Variants in IGFLR1 observed in about 807,000 individuals in gnomAD.
IGFLR1 encodes IGF-like family receptor 1.
In IGFLR1, 17 loss-of-function variants were observed where a neutral mutation model predicts 23.4. The ratio of observed to expected loss-of-function variants is 0.73; its 90% CI spans 0.50 to 1.09. The LOEUF (loss-of-function observed/expected upper bound fraction) is 1.09. IGFLR1 is among the 50% of genes least tolerant of loss of function. IGFLR1 has a pLI of 0.00. For missense variants in IGFLR1, 556 were observed against 459.2 expected (o/e 1.21, Z -1.93); for synonymous variants, 265 against 210.7 (o/e 1.26, Z -2.23).
chr19:35,739,322 C>T lies in IGFLR1; in HGVS notation c.1026G>A (p.Arg342=). Residue 342 remains arginine (R), a synonymous_variant, in exon 5 of 5, where the codon CGG becomes CGA. Coordinates refer to ENST00000246532, the MANE Select transcript of IGFLR1 (RefSeq NM_024660.4). ...LAQLGRADAL[R]VLSKLGSSGV... ...CAGATGAGCCAAGCTTGGACAGCACCCGCAATGCATCTGCCCGCCCTAGCT... is the reference window on the plus strand; with the variant it reads ...CAGATGAGCCAAGCTTGGACAGCACTCGCAATGCATCTGCCCGCCCTAGCT... 1 of 1,607,834 alleles carries T rather than the reference C, an allele frequency of 6.2e-7. No individual in the cohort carries two copies. The highest frequency in any genetic ancestry group is 8.5e-7 in the Non-Finnish European group (1 of 1,176,692).
At position 35,740,451 on chromosome 19, in the gene IGFLR1, G is replaced by T; in HGVS notation, c.271C>A (p.Pro91Thr). 1.9e-6 allele frequency: 3 copies of T among 1,612,656 alleles called. No individual in the cohort carries two copies. The highest frequency in any genetic ancestry group is 8.5e-7 in the Non-Finnish European group (1 of 1,179,730). ...GGGGTCACGGCTCCGCCGCCGCAGGGGCTACATAGCTCCGCGCCGTCGGGG... is the reference window on the plus strand; with the variant it reads ...GGGGTCACGGCTCCGCCGCCGCAGGTGCTACATAGCTCCGCGCCGTCGGGG... ...CNPDGAELCS[P>T]CGGGAVTPTP... Residue 91 changes from proline (P) to threonine (T), a missense_variant, in exon 3 of 5, where the codon CCC becomes ACC. Pro to Thr is a conservative substitution (Grantham distance 38, BLOSUM62 -1). Coordinates refer to ENST00000246532, the MANE Select transcript of IGFLR1 (RefSeq NM_024660.4).
chr19:35,741,657 CAAAAA>C (rs35356311), intron 1 of IGFLR1: 5,287 of 85,886 alleles, frequency 0.062, 127 homozygotes, highest in East Asian at 0.23. Flanking sequence ...CCCATCTTTA[CAAAAA>C]AAAAAAAAAA....
chr19:35,738,870 A>G lies in IGFLR1; in HGVS notation c.*410T>C. 4 of 469,132 alleles carry G rather than the reference A, an allele frequency of 8.5e-6. No homozygotes were observed. Among genetic ancestry groups the G allele is most frequent in the Non-Finnish European group, 1.1e-5 (3 of 263,972 alleles). 29.1% of individuals were successfully genotyped at this position (469,132 alleles called of 1,614,324 possible). ...AACCCCCCCACAATAAAGTCTGTCAATGTTTGGAGAGGTGGTCTTCCCATT... is the reference window on the plus strand; with the variant it reads ...AACCCCCCCACAATAAAGTCTGTCAGTGTTTGGAGAGGTGGTCTTCCCATT... On this transcript the variant is annotated 3_prime_UTR_variant, in exon 5 of 5. Coordinates refer to ENST00000246532, the MANE Select transcript of IGFLR1 (RefSeq NM_024660.4). This position sits in a 1 kb window ranked among gnomAD's most constrained non-coding sequence, Gnocchi z 8.7.
chr19:35,740,532 C>A lies in IGFLR1; in HGVS notation c.190G>T (p.Asp64Tyr). 2.5e-6 allele frequency: 4 copies of A among 1,610,952 alleles called. No homozygotes were observed. In the South Asian group the frequency reaches 4.4e-5, roughly 18 times the overall value. Residue 64 changes from aspartate to tyrosine, a missense_variant, in exon 3 of 5, where the codon GAC (aspartate) becomes TAC (tyrosine). Physicochemically the swap from Asp to Tyr is radical, Grantham distance 160 (BLOSUM62 -3). Coordinates refer to ENST00000246532, the MANE Select transcript of IGFLR1 (RefSeq NM_024660.4). The stretch of plus-strand genomic sequence containing the variant: ...GGGGGCGTTACGAAATCGCCGTGGT[C>A]ATTGAGTCCGCAGTTTTCCCGGAAC... The part of the protein sequence containing the change: ...YEFRENCGLN[D>Y]HGDFVTPPFR...
Position 35,739,844 on chromosome 19 carries a change from G to A in IGFLR1, c.587C>T (p.Pro196Leu), listed in dbSNP as rs749487106. 8 of 1,612,362 alleles carry A rather than the reference G, an allele frequency of 5.0e-6. No individual in the cohort carries two copies. The Admixed American group carries it at 1.3e-4, about 27-fold the overall frequency. The part of the protein sequence containing the change: ...HLCWPKEKAD[P>L]YPYPGLVCGV... ...GCAGACCAAGCCAGGATAGGGATAG[G>A]GGTCGGCTTTCTCCTTGGGCCAGCA... is the stretch of plus-strand genomic sequence containing the variant. Residue 196 changes from proline to leucine, a missense_variant, in exon 4 of 5, where the codon CCC becomes CTC. Physicochemically the swap from Pro to Leu is moderately conservative, Grantham distance 98 (BLOSUM62 -3). Coordinates refer to ENST00000246532, the MANE Select transcript of IGFLR1 (RefSeq NM_024660.4).
At position 35,739,184 on chromosome 19, in the gene IGFLR1, T is replaced by C. The variant is rs1970046868; in HGVS notation, c.*96A>G. 8.7e-7 allele frequency: 1 copy of C among 1,150,766 alleles called. No individual in the cohort carries two copies. The highest frequency in any genetic ancestry group is 1.2e-6 in the Non-Finnish European group (1 of 822,868). The allele number at this position is 1,150,766 out of a possible 1,614,324, so 71.3% of individuals were successfully genotyped here. A position where few individuals can be genotyped will look rare whatever the true frequency, so the allele number is the denominator to read the frequency against. Reference sequence around the variant, plus strand: ...TAGGGCGAAGAGCAGTGAGGCTATCTGTTGGGTCTTTGCCCAATTAGGATT... The same window carrying C: ...TAGGGCGAAGAGCAGTGAGGCTATCCGTTGGGTCTTTGCCCAATTAGGATT... On this transcript the variant is annotated 3_prime_UTR_variant, in exon 5 of 5. Transcript: ENST00000246532.
chr19:35,740,538 G>GTCCGCAGT lies in IGFLR1; in HGVS notation c.176_183dup (p.Leu62ThrfsTer11), dbSNP rs773484248. 6 of 1,610,222 alleles carry GTCCGCAGT rather than the reference G, an allele frequency of 3.7e-6. No individual in the cohort carries two copies. The highest frequency in any genetic ancestry group is 1.7e-4 in the Middle Eastern group (1 of 6,042). On this transcript the variant is annotated frameshift_variant, in exon 3 of 5. Transcript: ENST00000246532. LOFTEE classifies it high-confidence loss of function. ...GTTACGAAATCGCCGTGGTCATTGA[G>GTCCGCAGT]TCCGCAGTTTTCCCGGAACTCATAG...
At chr19:35,742,273 A>G (rs1253000897) in intron 1 of IGFLR1, 123 bp downstream of exon 1, 1 of 743,054 alleles carries the variant, frequency 1.3e-6, no homozygotes, top group African/African-American at 1.8e-5. Context: ...TCACCTTTGA[A>G]TCCTAATCTC....
rs1422829152 is a variant in IGFLR1 at position 35,741,183 on chromosome 19, G to C, written c.-3C>G. ...AGGAGGCATCGTCCAGGCCCCATCT[G>C]GGGGGCCGTGATAGCGGGACTTCCA... is the stretch of plus-strand genomic sequence containing the variant. On this transcript the variant is annotated 5_prime_UTR_variant, in exon 2 of 5. Coordinates refer to ENST00000246532, the MANE Select transcript of IGFLR1 (RefSeq NM_024660.4). The C allele has an allele frequency of 3.1e-6, 5 of 1,609,888 alleles. No homozygotes were observed. Among genetic ancestry groups the C allele is most frequent in the East Asian group, 2.2e-5 (1 of 44,772 alleles).
chr19:35,741,668 A>C (rs796883984), intron 1 of IGFLR1: 13 of 139,342 alleles, frequency 9.3e-5, no homozygotes, highest in Admixed American at 1.5e-4. Context: ...AAAAAAAAAA[A>C]AAAAAAAAAA....
rs919035068 is a variant in IGFLR1 at position 35,740,249 on chromosome 19, C to T, written c.342+131G>A. ...AGGCCCAACTACCTTAACCTAGGAC[C>T]TCCCGACCCCTGCAGGCCAGCCACC... is the stretch of plus-strand genomic sequence containing the variant. On this transcript the variant is annotated intron_variant, in intron 3 of 4. Coordinates refer to ENST00000246532, the MANE Select transcript of IGFLR1 (RefSeq NM_024660.4). The T allele has an allele frequency of 6.1e-6, 8 of 1,318,540 alleles. No individual in the cohort carries two copies. The African/African-American group carries it at 1.0e-4, about 17-fold the overall frequency. The allele number at this position is 1,318,540 out of a possible 1,614,324, so 81.7% of individuals were successfully genotyped here.
rs778394024 is a variant in IGFLR1, at chr19:35,739,927, G to C, written c.504C>G (p.Val168=). 6.2e-7 allele frequency: 1 copy of C among 1,614,164 alleles called. No homozygotes were observed. The highest frequency in any genetic ancestry group is 1.3e-5 in the African/African-American group (1 of 75,042). Reference sequence around the variant, plus strand: ...CTATCACCGCCAAGGTCAGGAGCAGGACCAGCACCACGAGCGGAAGGAAAT... The same window carrying C: ...CTATCACCGCCAAGGTCAGGAGCAGCACCAGCACCACGAGCGGAAGGAAAT... ...WPNFLPLVVL[V]LLLTLAVIAI... Residue 168 remains valine, a synonymous_variant, in exon 4 of 5, where the codon GTC becomes GTG. Coordinates refer to ENST00000246532, the MANE Select transcript of IGFLR1 (RefSeq NM_024660.4).
Position 35,739,244 on chromosome 19 carries a change from C to G in IGFLR1, c.*36G>C. ...GAAGTACTTCAGTGCTAATTGTATACTGGGCTTAGTAGTCAGCAAAGTTCT... is the reference window on the plus strand; with the variant it reads ...GAAGTACTTCAGTGCTAATTGTATAGTGGGCTTAGTAGTCAGCAAAGTTCT... On this transcript the variant is annotated 3_prime_UTR_variant, in exon 5 of 5. Coordinates refer to ENST00000246532, the MANE Select transcript of IGFLR1 (RefSeq NM_024660.4). The G allele has an allele frequency of 1.3e-6, 2 of 1,484,932 alleles. No individual in the cohort carries two copies. The highest frequency in any genetic ancestry group is 2.6e-5 in the South Asian group (2 of 76,032). The allele number at this position is 1,484,932 out of a possible 1,614,324, so 92.0% of individuals were successfully genotyped here. A position where few individuals can be genotyped will look rare whatever the true frequency, so the allele number is the denominator to read the frequency against.
At chr19:35,740,250 TC>T (rs1970134406) in intron 3 of IGFLR1, 129 bp downstream of exon 3, 6 of 1,323,350 alleles carry the variant, frequency 4.5e-6, no homozygotes, top group Admixed American at 2.9e-5. Context: ...ACCTAGGACC[TC>T]CCGACCCCTG....
In IGFLR1 at chr19:35,741,026, G is replaced by T. The variant is rs754957449; in HGVS notation, c.155C>A (p.Pro52Gln). Residue 52 changes from proline to glutamine, a missense_variant and splice_region_variant, in exon 2 of 5, where the codon CCG (proline) becomes CAG (glutamine). Pro to Gln is a moderately conservative substitution (Grantham distance 76). Coordinates refer to ENST00000246532, the MANE Select transcript of IGFLR1 (RefSeq NM_024660.4). ...AAGGCTCGGTCTCGGATTCTCACCC[G>T]GGCAGGGGGGCGGCCCGAAGCGTTG... is the stretch of plus-strand genomic sequence containing the variant. ...CLQRFGPPPC[P>Q]DYEFRENCGL... 2 of 1,611,064 alleles carry T rather than the reference G, an allele frequency of 1.2e-6. No homozygotes were observed. The highest frequency in any genetic ancestry group is 2.7e-5 in the African/African-American group (2 of 74,854).
intron 1 of IGFLR1, chr19:35,741,544 T>G (rs1599719214): frequency 4.1e-6 from 1 of 241,204 alleles, no homozygotes; most frequent in South Asian, 3.7e-5. Context: ...AGGGGCTGGG[T>G]GTGGTGGCTC....
intron 3 of IGFLR1, 70 bp downstream of exon 3, chr19:35,740,310 A>ACGCCGGCTCCCTACATCTAGGCC: frequency 6.9e-7 from 1 of 1,450,138 alleles, no homozygotes; most frequent in Non-Finnish European, 9.1e-7. Context: ...ACGTGGGGCT[A>ACGCCGGCTCCCTACATCTAGGCC]CGCCGGCTCC....
chr19:35,741,251 A>C (rs1469532224), intron 1 of IGFLR1, 28 bp from the exon 2 acceptor site: 1 of 1,579,002 alleles, frequency 6.3e-7, no homozygotes, highest in Admixed American at 1.8e-5. Flanking sequence ...ATCGGGCAGA[A>C]GAAAGGACGC....
chr19:35,740,396 G>A lies in IGFLR1; in HGVS notation c.326C>T (p.Pro109Leu), dbSNP rs1369518736. The change falls in exon 3 of 5, where the codon CCG becomes CTG. Residue 109 changes from proline (P) to leucine (L), a missense_variant. Transcript: ENST00000246532. ...CATCTGCACCTCTCTGCAGCGCCAC[G>A]GGGTTCTGCCCCCGCCCGCGGCGGG... ...PTPAAGGGRTPWRCRERPVPA... is the reference protein window; with the variant it reads ...PTPAAGGGRTLWRCRERPVPA... 3.8e-6 allele frequency: 6 copies of A among 1,599,860 alleles called. No homozygotes were observed. Among genetic ancestry groups the A allele is most frequent in the African/African-American group, 1.3e-5 (1 of 74,192 alleles).
Sources: allele counts gnomAD v4.1 joint callset, GRCh38; gene constraint gnomAD v4.1.1; non-coding constraint Gnocchi (gnomAD v3.1); transcripts MANE v1.5; gene names NCBI Gene and HGNC (gene_info 2026-07-23, HGNC 2026-07-21).